The following LRRC4C variants were observed in gnomAD, a reference collection of about 807,000 sequenced individuals.
LRRC4C encodes the protein leucine-rich repeat-containing protein 4C.
In LRRC4C, 5 loss-of-function variants were observed where a neutral mutation model predicts 33.6. The ratio of observed to expected loss-of-function variants is 0.15; its 90% CI spans 0.08 to 0.31. The LOEUF (loss-of-function observed/expected upper bound fraction) is 0.31. LRRC4C is among the 10% of genes least tolerant of loss of function. LRRC4C has a pLI of 1.00. For missense variants in LRRC4C, 560 were observed against 796.7 expected, an observed-to-expected ratio of 0.70 and a Z score of 3.58; for synonymous variants, 329 against 302.0, an observed-to-expected ratio of 1.09 and a Z score of -0.93.
chr11:40,502,518 C>A (rs1954828099), intron 3 of LRRC4C, among the ~76,000 whole-genome samples: 1 of 152,074 alleles, frequency 6.6e-6, no homozygotes, highest in African/African-American at 2.4e-5. Flanking sequence ...GAGAATGAGG[C>A]AGAAGTGAAA....
intron 6 of LRRC4C, among the ~76,000 whole-genome samples, chr11:40,135,230 G>A (rs1377532597): frequency 1.3e-5 from 2 of 152,172 alleles, no homozygotes; most frequent in African/African-American, 4.8e-5. Context: ...AGCAAATGCA[G>A]ACATTTGAAA....
At chr11:40,849,023 T>C (rs1187084014) in intron 2 of LRRC4C, among the ~76,000 whole-genome samples, 2 of 152,210 alleles carry the variant, frequency 1.3e-5, no homozygotes, top group Admixed American at 6.5e-5. Flanking sequence ...TCCCTTTATT[T>C]TGAGCATATT....
At chr11:41,397,373 C>T in intron 1 of LRRC4C, among the ~76,000 whole-genome samples, 1 of 151,924 alleles carries the variant, frequency 6.6e-6, no homozygotes. Flanking sequence ...TAAGGATGAA[C>T]ACCTTTATGA....
chr11:40,408,006 T>C (rs2137607406), intron 3 of LRRC4C, among the ~76,000 whole-genome samples: 1 of 152,106 alleles, frequency 6.6e-6, no homozygotes, highest in South Asian at 2.1e-4. Flanking sequence ...ATCAGTACAA[T>C]GAAAGCTAAA....
chr11:40,391,181 T>A (rs1245222251), intron 3 of LRRC4C, among the ~76,000 whole-genome samples: 1 of 152,180 alleles, frequency 6.6e-6, no homozygotes, highest in African/African-American at 2.4e-5. Flanking sequence ...GAGACATTTG[T>A]TCCTTAGTGA....
At chr11:40,705,323 A>G (rs1015457454) in intron 2 of LRRC4C, among the ~76,000 whole-genome samples, 1 of 151,968 alleles carries the variant, frequency 6.6e-6, no homozygotes, top group African/African-American at 2.4e-5. Context: ...CGTCATTCAC[A>G]TTAGGTATTT....
At chr11:40,965,328 C>G (rs1042937208) in intron 1 of LRRC4C, among the ~76,000 whole-genome samples, 1 of 152,078 alleles carries the variant, frequency 6.6e-6, no homozygotes. Flanking sequence ...TGCCTGTTCA[C>G]TCTGATGGTG....
At chr11:40,521,824 G>A (rs113898746) in intron 3 of LRRC4C, among the ~76,000 whole-genome samples, 14,326 of 151,998 alleles carry the variant, frequency 0.094, 798 homozygotes, top group Middle Eastern at 0.15. Context: ...AGCTGAGATC[G>A]TGCCACTGTA....
At chr11:41,176,944 G>A (rs1024584656) in intron 1 of LRRC4C, among the ~76,000 whole-genome samples, 6 of 151,988 alleles carry the variant, frequency 3.9e-5, no homozygotes, top group South Asian at 4.2e-4. Flanking sequence ...CAGCCTGGGC[G>A]ACAGAGTAAT....
At chr11:40,252,977 T>C (rs1866905324) in intron 4 of LRRC4C, among the ~76,000 whole-genome samples, 1 of 152,202 alleles carries the variant, frequency 6.6e-6, no homozygotes, top group Non-Finnish European at 1.5e-5. Context: ...GATAAAATTA[T>C]GGTATCTGGG....
intron 2 of LRRC4C, among the ~76,000 whole-genome samples, chr11:40,850,226 G>A (rs1565132229): frequency 6.6e-6 from 1 of 152,024 alleles, no homozygotes; most frequent in East Asian, 2.0e-4. Flanking sequence ...CTGGTTTTTG[G>A]AATTTTCAGC....
intron 6 of LRRC4C, among the ~76,000 whole-genome samples, chr11:40,122,866 C>T (rs1369712196): frequency 1.4e-5 from 2 of 141,006 alleles, no homozygotes; most frequent in Admixed American, 1.5e-4. Flanking sequence ...AAAAACAAAA[C>T]AAAACAAATA....
At chr11:40,841,278 G>A (rs1167526502) in intron 2 of LRRC4C, among the ~76,000 whole-genome samples, 1 of 152,100 alleles carries the variant, frequency 6.6e-6, no homozygotes, top group Non-Finnish European at 1.5e-5. Flanking sequence ...TAGTTTCTTA[G>A]TCCCAATCCT....
At chr11:41,343,810 A>T (rs561895137) in intron 1 of LRRC4C, among the ~76,000 whole-genome samples, 1 of 152,340 alleles carries the variant, frequency 6.6e-6, no homozygotes, top group African/African-American at 2.4e-5. Flanking sequence ...TATTTATAAC[A>T]AAGTATTTAA....
At chr11:40,789,845 A>G (rs920135233) in intron 2 of LRRC4C, among the ~76,000 whole-genome samples, 4 of 152,244 alleles carry the variant, frequency 2.6e-5, no homozygotes, top group African/African-American at 9.6e-5. Context: ...GTTACAGCAC[A>G]TAATAGAGTC....
rs74853904 is a variant in LRRC4C at position 40,276,357 on chromosome 11, A to G, written c.-175-34759T>C. Among the ~76,000 whole-genome samples, 1,243 of 152,280 alleles carry G rather than the reference A, an allele frequency of 8.2e-3. 11 individuals are homozygous for G. The highest frequency in any genetic ancestry group is 0.013 in the Non-Finnish European group (914 of 68,018). ...AAAGCAGTGGTTCGAATAATATAAAATAGTGACTAGCTCCAGTCGTCTTCC... is the reference window on the plus strand; with the variant it reads ...AAAGCAGTGGTTCGAATAATATAAAGTAGTGACTAGCTCCAGTCGTCTTCC... On this transcript the variant is annotated intron_variant, in intron 4 of 6. Transcript: ENST00000528697.
chr11:40,712,768 T>C (rs1490503660), intron 2 of LRRC4C, among the ~76,000 whole-genome samples: 5 of 152,112 alleles, frequency 3.3e-5, no homozygotes, highest in Non-Finnish European at 5.9e-5. Context: ...ATAATATATA[T>C]TGTAATTATT....
intron 1 of LRRC4C, among the ~76,000 whole-genome samples, chr11:41,123,433 C>T (rs968646953): frequency 7.3e-5 from 11 of 150,132 alleles, no homozygotes; most frequent in African/African-American, 2.7e-4. Flanking sequence ...CCACTACGCC[C>T]GGCTAATTTT....
chr11:41,272,321 T>C (rs1442215204), intron 1 of LRRC4C, among the ~76,000 whole-genome samples: 1 of 152,060 alleles, frequency 6.6e-6, no homozygotes, highest in African/African-American at 2.4e-5. Context: ...TGCTTTTCAC[T>C]TGGGTAAATT....
Sources: allele counts gnomAD v4.1 joint callset (sites outside exome capture counted in the v4.1 genomes callset), GRCh38; gene constraint gnomAD v4.1.1; transcripts MANE v1.5; gene names NCBI Gene and HGNC (gene_info 2026-07-23, HGNC 2026-07-21).